TNRC6C: variants seen among roughly 807,000 people sequenced by gnomAD.
TNRC6C encodes trinucleotide repeat-containing gene 6C protein.
Under a neutral mutation model 153.7 loss-of-function variants are expected in TNRC6C, and 20 were observed. That is an observed-to-expected ratio of 0.13 (90% CI 0.09 to 0.19). The LOEUF is 0.19. TNRC6C is among the 10% of genes least tolerant of loss of function. The pLI, the probability that TNRC6C is intolerant of heterozygous loss-of-function variation, is 1.00. For synonymous variants in TNRC6C, 811 were observed against 841.4 expected (o/e 0.96, Z 0.63); for missense variants, 1,987 against 2,172.0 (o/e 0.91, Z 1.69).
chr17:77,968,656 T>C (rs1292238650), intron 1 of TNRC6C, among the ~76,000 whole-genome samples: 1 of 152,236 alleles, frequency 6.6e-6, no homozygotes, highest in Non-Finnish European at 1.5e-5. Flanking sequence ...GATGTAGTTA[T>C]TTAAATAGCT....
chr17:78,077,149 C>G (rs1191131713), intron 8 of TNRC6C, 36 bp from the exon 11 acceptor site: 2 of 1,584,296 alleles, frequency 1.3e-6, no homozygotes, highest in South Asian at 2.3e-5. Context: ...TGCTGATGGA[C>G]ACTGCACACA....
intron 3 of TNRC6C, among the ~76,000 whole-genome samples, chr17:78,057,310 A>T (rs936422210): frequency 1.8e-4 from 28 of 152,232 alleles, no homozygotes. Flanking sequence ...CTTCTTTTGC[A>T]GTGAGAGCAA....
chr17:78,099,060 G>A (rs1008794332), intron 17 of TNRC6C, among the ~76,000 whole-genome samples: 7 of 152,278 alleles, frequency 4.6e-5, no homozygotes, highest in South Asian at 2.1e-4. Context: ...GCTGCATGTC[G>A]AACCTCAGAG....
chr17:77,988,550 T>G lies in TNRC6C; in HGVS notation c.-37-15620T>G, dbSNP rs139308500. 1.8e-3 allele frequency among the ~76,000 whole-genome samples: 273 copies of G among 152,326 alleles called. 5 individuals carry two copies. The highest frequency in any genetic ancestry group is 0.016 in the Admixed American group (251 of 15,304). On this transcript the variant is annotated intron_variant, in intron 1 of 22. Coordinates refer to the TNRC6C transcript ENST00000636222. ...ACAGCTTCCATTTTTGCTTTTCTCT[T>G]CTTTTATCTGAGCATAGAGTCCACA...
exon 3 of TNRC6C, chr17:78,048,951 T>C: frequency 7.4e-7 from 1 of 1,351,764 alleles, no homozygotes; most frequent in Non-Finnish European, 9.5e-7. Flanking sequence ...TGATAATAGA[T>C]AGGACTGACA....
At position 78,049,901 on chromosome 17, in the gene TNRC6C, A is replaced by C. The variant is rs1387863806; in HGVS notation, c.839A>C (p.Lys280Thr). The stretch of plus-strand genomic sequence containing the variant: ...ACTGTGAACTCAGCATTAAGTGCTA[A>C]ACAAAATGGATCCAGCAGTGCTGTG... The change falls in exon 3 of 20, where the codon AAA becomes ACA. Residue 280 changes from lysine to threonine, a missense_variant. By Grantham distance (78) the Lys-to-Thr change is moderately conservative. This residue lies in a region of TNRC6C where 1,052 missense variants were observed against 1,017.0 expected (regional missense o/e 1.03). Transcript: ENST00000301624. This position sits in a 1 kb window ranked among gnomAD's most constrained non-coding sequence, Gnocchi z 4.1. 1 of 1,614,078 alleles carries C rather than the reference A, an allele frequency of 6.2e-7. No individual in the cohort carries two copies. The highest frequency in any genetic ancestry group is 8.5e-7 in the Non-Finnish European group (1 of 1,179,900).
chr17:78,071,188 G>A, intron 6 of TNRC6C, 23 bp downstream of exon 8: 1 of 1,581,752 alleles, frequency 6.3e-7, no homozygotes, highest in South Asian at 1.2e-5. Flanking sequence ...GTAGTTTACT[G>A]CTACCCACCA....
chr17:77,995,435 ATAGT>A (rs1269162508), intron 1 of TNRC6C, among the ~76,000 whole-genome samples: 1 of 152,240 alleles, frequency 6.6e-6, no homozygotes, highest in African/African-American at 2.4e-5. Flanking sequence ...CAAAGGAAAA[ATAGT>A]TAAAGGTCAC....
chr17:78,019,000 C>G (rs1254150614), intron 1 of TNRC6C, among the ~76,000 whole-genome samples: 1 of 149,392 alleles, frequency 6.7e-6, no homozygotes, highest in Non-Finnish European at 1.5e-5. Flanking sequence ...ATTGCTGTTT[C>G]TGAGACTACA....
chr17:78,054,901 A>G (rs1238966030), intron 3 of TNRC6C, among the ~76,000 whole-genome samples: 1 of 151,364 alleles, frequency 6.6e-6, no homozygotes, highest in Non-Finnish European at 1.5e-5. Flanking sequence ...ACCATACACC[A>G]CTGCGGACTA....
chr17:77,965,459 A>G (rs2070889760), intron 1 of TNRC6C, among the ~76,000 whole-genome samples: 1 of 152,218 alleles, frequency 6.6e-6, no homozygotes, highest in Non-Finnish European at 1.5e-5. Context: ...ATTTGCCCCA[A>G]ATCAGAGCCT....
chr17:78,077,801 A>AT, intron 9 of TNRC6C: 1 of 170,626 alleles, frequency 5.9e-6, no homozygotes, highest in Non-Finnish European at 1.2e-5. Context: ...TCACACTGGC[A>AT]TTTTTTTCCA....
chr17:78,060,019 C>G (rs577111369), intron 3 of TNRC6C, among the ~76,000 whole-genome samples: 2 of 152,210 alleles, frequency 1.3e-5, no homozygotes, highest in East Asian at 1.9e-4. Flanking sequence ...GCAGAAGAAG[C>G]TGTTCTAAGG....
chr17:77,980,380 A>G (rs1335445204), intron 1 of TNRC6C, among the ~76,000 whole-genome samples: 3 of 152,198 alleles, frequency 2.0e-5, no homozygotes, highest in African/African-American at 4.8e-5. Context: ...CTCTCACTCT[A>G]CAACAGTGAT....
chr17:78,049,269 T>C lies in TNRC6C; in HGVS notation c.207T>C (p.Gly69=). 1 of 1,611,954 alleles carries C rather than the reference T, an allele frequency of 6.2e-7. No homozygotes were observed. Residue 69 remains glycine, a synonymous_variant, in exon 3 of 20, where the codon GGT becomes GGC. Coordinates refer to ENST00000301624, the Ensembl canonical transcript of TNRC6C. This position sits in a 1 kb window ranked among gnomAD's most constrained non-coding sequence, Gnocchi z 4.1. ...GCCTGGCTCACTGCTCTGTCAGTGG[T>C]GGGGATGGAAAAATGGACACTATGA...
chr17:78,009,529 G>T (rs1218008241), intron 1 of TNRC6C, among the ~76,000 whole-genome samples: 2 of 152,050 alleles, frequency 1.3e-5, no homozygotes, highest in African/African-American at 2.4e-5. Flanking sequence ...ACCCATTATG[G>T]TTCATGGTCC....
intron 1 of TNRC6C, among the ~76,000 whole-genome samples, chr17:77,991,245 T>G (rs550265087): frequency 6.6e-6 from 1 of 152,220 alleles, no homozygotes; most frequent in South Asian, 2.1e-4. Context: ...AGGGGCTTGA[T>G]GTATGTATTG....
intron 2 of TNRC6C, among the ~76,000 whole-genome samples, chr17:78,039,974 G>A (rs1005562093): frequency 8.5e-5 from 13 of 152,262 alleles, no homozygotes; most frequent in African/African-American, 2.4e-4. Flanking sequence ...TAGCCAAGGA[G>A]AGATAGTCAG....
intron 16 of TNRC6C, among the ~76,000 whole-genome samples, chr17:78,096,794 C>G (rs757369671): frequency 1.1e-4 from 17 of 152,344 alleles, no homozygotes; most frequent in Non-Finnish European, 2.4e-4. Flanking sequence ...CATCCTCGCT[C>G]TTCTTCTCCA....
Sources: gnomAD v4.1 joint callset for allele counts (sites outside exome capture counted in the v4.1 genomes callset) on GRCh38, gnomAD v4.1.1 for gene constraint, gnomAD v4.1.1 regional missense constraint, Gnocchi (gnomAD v3.1) non-coding constraint, MANE v1.5 for transcripts, NCBI Gene and HGNC (gene_info 2026-07-23, HGNC 2026-07-21) for gene names.